Variants in ZBTB7B observed in about 807,000 individuals in gnomAD.
ZBTB7B encodes zinc finger and BTB domain containing 7B.
Under a neutral mutation model 31.0 loss-of-function variants are expected in ZBTB7B, and 8 were observed. The observed-to-expected ratio is 0.26, with a 90% CI of 0.15 to 0.47. The LOEUF (loss-of-function observed/expected upper bound fraction) is 0.47, where lower values mean the gene tolerates loss of function less well. Among genes scored for constraint, ZBTB7B ranks in the 20% least tolerant of loss-of-function variants. The pLI is 0.99. For synonymous variants in ZBTB7B, 261 were observed against 307.3 expected, an observed-to-expected ratio of 0.85 and a Z score of 1.58; for missense variants, 494 against 742.4, an observed-to-expected ratio of 0.67 and a Z score of 3.89.
At chr1:155,005,432 C>T (rs1658505369) in intron 1 of ZBTB7B, among the ~76,000 whole-genome samples, 1 of 152,206 alleles carries the variant, frequency 6.6e-6, no homozygotes, top group Non-Finnish European at 1.5e-5. Context: ...AGTCACTGCC[C>T]AGGGGACTGC....
At chr1:155,014,153 C>CTGT in intron 1 of ZBTB7B, 1 of 915,110 alleles carries the variant, frequency 1.1e-6, no homozygotes, top group Non-Finnish European at 1.3e-6. Context: ...ATTACAAAGA[C>CTGT]TGTTACCTCA....
intron 1 of ZBTB7B, among the ~76,000 whole-genome samples, chr1:155,009,259 G>A (rs1344933317): frequency 1.3e-5 from 2 of 152,144 alleles, no homozygotes; most frequent in African/African-American, 4.8e-5. Context: ...CTGGCAGAGA[G>A]CCGGGCTCCG....
At position 155,007,985 on chromosome 1, in the gene ZBTB7B, A is replaced by C. The variant is rs116290910; in HGVS notation, c.-7+5042A>C. Among the ~76,000 whole-genome samples, 801 of 152,090 alleles carry C rather than the reference A, an allele frequency of 5.3e-3. 6 individuals carry two copies. Among genetic ancestry groups the C allele is most frequent in the African/African-American group, 0.018 (764 of 41,490 alleles). On this transcript the variant is annotated intron_variant, in intron 1 of 2. Transcript: ENST00000535420. ...AGGGACCCCAGGAGTTGTTTAAGTG[A>C]AATTTGGTGGCCCATCCATGTCTGG...
Position 155,015,727 on chromosome 1 carries a change from A to G in ZBTB7B, c.1067A>G (p.His356Arg). The change falls in exon 2 of 3, where the codon CAT becomes CGT. Residue 356 changes from histidine to arginine, a missense_variant. Transcript: ENST00000535420. ...TGCCCTGTCTGCCACAAGATCATCC[A>G]TGGGGCAGGCAAACTGCCTCGCCAC... Reference protein sequence around the residue: ...QECPVCHKIIHGAGKLPRHMR... With the variant: ...QECPVCHKIIRGAGKLPRHMR... The G allele has an allele frequency of 6.2e-7, 1 of 1,612,452 alleles. No individual in the cohort carries two copies. The highest frequency in any genetic ancestry group is 8.5e-7 in the Non-Finnish European group (1 of 1,180,000).
At chr1:155,009,649 C>T (rs1276646408) in intron 1 of ZBTB7B, among the ~76,000 whole-genome samples, 2 of 152,080 alleles carry the variant, frequency 1.3e-5, no homozygotes, top group South Asian at 2.1e-4. Flanking sequence ...CTCCACCACT[C>T]ATTCTCCCCA....
Position 155,016,193 on chromosome 1 carries a change from C to G in ZBTB7B, c.1155-27C>G, listed in dbSNP as rs1287214935. 1.9e-6 allele frequency: 3 copies of G among 1,604,326 alleles called. No individual in the cohort carries two copies. The highest frequency in any genetic ancestry group is 1.7e-5 in the Admixed American group (1 of 59,688). Reference sequence around the variant, plus strand: ...CCAGGGATCCCATCCTGAACACCTCCCTGCCCCTCACCCCTGCCTGTGCCA... The same window carrying G: ...CCAGGGATCCCATCCTGAACACCTCGCTGCCCCTCACCCCTGCCTGTGCCA... On this transcript the variant is annotated intron_variant, in intron 2 of 2. Transcript: ENST00000535420. This position sits in a 1 kb window ranked among gnomAD's most constrained non-coding sequence, Gnocchi z 4.3.
intron 1 of ZBTB7B, among the ~76,000 whole-genome samples, chr1:155,013,829 C>T (rs1659168738): frequency 6.7e-6 from 1 of 149,374 alleles, no homozygotes; most frequent in Non-Finnish European, 1.5e-5. Flanking sequence ...AGGGTGGCTG[C>T]TCCTTGGCCC....
chr1:155,008,792 G>T (rs1196028543), intron 1 of ZBTB7B, among the ~76,000 whole-genome samples: 1 of 152,038 alleles, frequency 6.6e-6, no homozygotes. Context: ...GCTGGGGGGA[G>T]GGGGGACAGC....
In ZBTB7B at chr1:155,018,323, G is replaced by A. The variant is rs1369065904; in HGVS notation, c.*1638G>A. ...CCTCATCTTAGCATTTCAGGTGATG[G>A]GGGGAGCCCAGGGCTGGGGAGACCT... On this transcript the variant is annotated 3_prime_UTR_variant, in exon 3 of 3. Transcript: ENST00000535420. The A allele has an allele frequency of 3.5e-6, 2 of 578,850 alleles. No individual in the cohort carries two copies. The highest frequency in any genetic ancestry group is 6.1e-6 in the Non-Finnish European group (2 of 325,812). 35.9% of individuals were successfully genotyped at this position (578,850 alleles called of 1,614,324 possible).
chr1:155,016,783 G>A lies in ZBTB7B; in HGVS notation c.*98G>A, dbSNP rs913945936. On this transcript the variant is annotated 3_prime_UTR_variant, in exon 3 of 3. Transcript: ENST00000535420. The surrounding 1 kb of genome is among the most constrained non-coding windows in gnomAD (Gnocchi z 4.3). Reference sequence around the variant, plus strand: ...CAGACACAGCAGGGGTCTGGGGCACGGAGCCTTGCTGGCATCAGCATCAGC... The same window carrying A: ...CAGACACAGCAGGGGTCTGGGGCACAGAGCCTTGCTGGCATCAGCATCAGC... The A allele has an allele frequency of 2.8e-5, 20 of 705,572 alleles. No homozygotes were observed. The highest frequency in any genetic ancestry group is 5.4e-5 in the East Asian group (2 of 36,728). 43.7% of individuals were successfully genotyped at this position (705,572 alleles called of 1,614,324 possible).
In ZBTB7B at chr1:155,014,645, G is replaced by T; in HGVS notation, c.-6-10G>T. The T allele has an allele frequency of 6.2e-7, 1 of 1,605,628 alleles. No homozygotes were observed. The highest frequency in any genetic ancestry group is 1.1e-5 in the South Asian group (1 of 90,030). Reference sequence around the variant, plus strand: ...AGCGCTCTTAATCTCCCCTCTACTTGACTCTGCAGGAGAAGATGGGGAGCC... The same window carrying T: ...AGCGCTCTTAATCTCCCCTCTACTTTACTCTGCAGGAGAAGATGGGGAGCC... On this transcript the variant is annotated splice_polypyrimidine_tract_variant and intron_variant, in intron 1 of 2. Transcript: ENST00000535420.
At position 155,016,892 on chromosome 1, in the gene ZBTB7B, G is replaced by A. The variant is rs1659460800; in HGVS notation, c.*207G>A. On this transcript the variant is annotated 3_prime_UTR_variant, in exon 3 of 3. Transcript: ENST00000535420. The surrounding 1 kb of genome is among the most constrained non-coding windows in gnomAD (Gnocchi z 4.3). ...CCCCAAATTGGGGTGATCCCCCAAG[G>A]AGTGATACATATATTGTGTATATAT... The A allele has an allele frequency of 3.7e-6, 2 of 547,236 alleles. No homozygotes were observed. Among genetic ancestry groups the A allele is most frequent in the East Asian group, 2.8e-5 (1 of 35,590 alleles). The allele number at this position is 547,236 out of a possible 1,614,324, so 33.9% of individuals were successfully genotyped here.
rs954671896 is a variant in ZBTB7B, at chr1:155,004,548, A to G, written c.-7+1605A>G. On this transcript the variant is annotated intron_variant, in intron 1 of 2. Transcript: ENST00000535420. The surrounding 1 kb of genome is among the most constrained non-coding windows in gnomAD (Gnocchi z 4.0). ...GCCTGGCACTGCTGGGAGAGCTGGC[A>G]TGGAGTGGACATCAGGTTGGGGAGG... Among the ~76,000 whole-genome samples, 1 of 152,100 alleles carries G rather than the reference A, an allele frequency of 6.6e-6. No individual in the cohort carries two copies. The highest frequency in any genetic ancestry group is 2.4e-5 in the African/African-American group (1 of 41,398).
rs1017766071 is a variant in ZBTB7B at position 155,002,953 on chromosome 1, C to G, written c.-7+10C>G. The G allele has an allele frequency of 6.5e-6, 1 of 152,812 alleles. No homozygotes were observed. The highest frequency in any genetic ancestry group is 2.4e-5 in the African/African-American group (1 of 41,418). 9.5% of individuals were successfully genotyped at this position (152,812 alleles called of 1,614,324 possible). A position where few individuals can be genotyped will look rare whatever the true frequency, so the allele number is the denominator to read the frequency against. ...ACCCGACGGCTGAGAGGTGAGTGTA[C>G]CCCACTTTTGTCTCCTGGCTCGGGG... On this transcript the variant is annotated intron_variant, in intron 1 of 2. Coordinates refer to ENST00000535420, the MANE Select transcript of ZBTB7B (RefSeq NM_001256455.2).
At chr1:155,007,605 G>A (rs1284589293) in intron 1 of ZBTB7B, among the ~76,000 whole-genome samples, 1 of 152,220 alleles carries the variant, frequency 6.6e-6, no homozygotes, top group African/African-American at 2.4e-5. Context: ...TTGAGGAGGT[G>A]GTTTGAGAAC....
At chr1:155,014,387 C>A (rs556052083) in intron 1 of ZBTB7B, 36 of 481,574 alleles carry the variant, frequency 7.5e-5, no homozygotes, top group African/African-American at 6.7e-4. Flanking sequence ...TGGTTAGGAA[C>A]AAGGACCGGG....
intron 1 of ZBTB7B, among the ~76,000 whole-genome samples, chr1:155,009,680 C>T (rs992785136): frequency 1.3e-5 from 2 of 151,984 alleles, no homozygotes; most frequent in Non-Finnish European, 2.9e-5. Context: ...AAATTGTGGT[C>T]CCCTGCTTCA....
chr1:155,017,347 T>TGGGGGCAGTACAGGGGGCAGTAGA lies in ZBTB7B; in HGVS notation c.*672_*673insCAGGGGGCAGTAGAGGGGGCAGTA. 6.6e-6 allele frequency: 1 copy of TGGGGGCAGTACAGGGGGCAGTAGA among 151,272 alleles called. No individual in the cohort carries two copies. Among genetic ancestry groups the TGGGGGCAGTACAGGGGGCAGTAGA allele is most frequent in the Middle Eastern group, 3.4e-3 (1 of 290 alleles). The allele number at this position is 151,272 out of a possible 1,614,324, so 9.4% of individuals were successfully genotyped here. On this transcript the variant is annotated 3_prime_UTR_variant, in exon 3 of 3. Transcript: ENST00000535420. Reference sequence around the variant, plus strand: ...GTGGCCTGATTGGCTCGCCTGCCCCTGGGGGCAGTAGAGGGGCCCCGCCCA... The same window carrying TGGGGGCAGTACAGGGGGCAGTAGA: ...GTGGCCTGATTGGCTCGCCTGCCCCTGGGGGCAGTACAGGGGGCAGTAGAGGGGGCAGTAGAGGGGCCCCGCCCA...
Position 155,016,205 on chromosome 1 carries a change from C to T in ZBTB7B, c.1155-15C>T. The T allele has an allele frequency of 1.2e-6, 2 of 1,610,150 alleles. No homozygotes were observed. The highest frequency in any genetic ancestry group is 1.7e-6 in the Non-Finnish European group (2 of 1,177,170). Reference sequence around the variant, plus strand: ...TCCTGAACACCTCCCTGCCCCTCACCCCTGCCTGTGCCAGGAACGACAAGC... The same window carrying T: ...TCCTGAACACCTCCCTGCCCCTCACTCCTGCCTGTGCCAGGAACGACAAGC... On this transcript the variant is annotated splice_polypyrimidine_tract_variant and intron_variant, in intron 2 of 2. Coordinates refer to ENST00000535420, the MANE Select transcript of ZBTB7B (RefSeq NM_001256455.2). The surrounding 1 kb of genome is among the most constrained non-coding windows in gnomAD (Gnocchi z 4.3).
Sources: gnomAD v4.1 joint callset for allele counts (sites outside exome capture counted in the v4.1 genomes callset) on GRCh38, gnomAD v4.1.1 for gene constraint, Gnocchi (gnomAD v3.1) non-coding constraint, MANE v1.5 for transcripts, NCBI Gene and HGNC (gene_info 2026-07-23, HGNC 2026-07-21) for gene names.